Variants in EHF observed in about 807,000 individuals in gnomAD.
The protein encoded by EHF is ESE3 transcription factor.
EHF carries 14 observed loss-of-function variants against 45.1 expected under a neutral mutation model. The ratio of observed to expected loss-of-function variants is 0.31; its 90% CI spans 0.21 to 0.49. The LOEUF is 0.49. Among genes scored for constraint, EHF ranks in the 20% least tolerant of loss-of-function variants. EHF has a pLI of 0.99. For synonymous variants in EHF, 136 were observed against 131.8 expected, an observed-to-expected ratio of 1.03 and a Z score of -0.22; for missense variants, 282 against 371.4, an observed-to-expected ratio of 0.76 and a Z score of 1.98.
intron 7 of EHF, among the ~76,000 whole-genome samples, chr11:34,657,872 A>T (rs1356413231): frequency 6.7e-6 from 1 of 148,596 alleles, no homozygotes; most frequent in East Asian, 2.1e-4. Context: ...CCACAAAACC[A>T]TATTAATGCA....
At chr11:34,640,010 A>G (rs1310523603) in intron 1 of EHF, among the ~76,000 whole-genome samples, 2 of 149,256 alleles carry the variant, frequency 1.3e-5, no homozygotes, top group Admixed American at 1.3e-4. Context: ...GTTCTGCAAC[A>G]TTTATTAAAT....
intron 1 of EHF, among the ~76,000 whole-genome samples, chr11:34,623,770 G>C (rs1852147605): frequency 6.6e-6 from 1 of 152,084 alleles, no homozygotes; most frequent in Admixed American, 6.5e-5. Context: ...TCTTTCCCAT[G>C]CCCCCGACCC....
Position 34,649,027 on chromosome 11 carries a change from A to G in EHF, c.352A>G (p.Ser118Gly), listed in dbSNP as rs779296141. 6.2e-6 allele frequency: 10 copies of G among 1,613,894 alleles called. No homozygotes were observed. In the East Asian group the frequency reaches 1.8e-4, roughly 29 times the overall value. Residue 118 changes from serine (S) to glycine (G), a missense_variant, in exon 4 of 9, where the codon AGT (serine) becomes GGT (glycine). Coordinates refer to ENST00000257831, the MANE Select transcript of EHF (RefSeq NM_012153.6). The part of the protein sequence containing the change: ...LQHLKWNGQC[S>G]SDLFQSTHNV... ...CAATCTGTCCTTCACAGGCCAGTGC[A>G]GTAGTGACCTGTTCCAGTCCACACA...
intron 1 of EHF, among the ~76,000 whole-genome samples, chr11:34,631,346 A>G (rs1852871432): frequency 6.6e-6 from 1 of 152,218 alleles, no homozygotes; most frequent in Admixed American, 6.5e-5. Context: ...AGAGATATTC[A>G]AAAGCTCCCT....
At chr11:34,637,587 T>C (rs1853568295) in intron 1 of EHF, among the ~76,000 whole-genome samples, 1 of 152,212 alleles carries the variant, frequency 6.6e-6, no homozygotes, top group Non-Finnish European at 1.5e-5. Flanking sequence ...TGGCACATTG[T>C]AGGGGACTTG....
At chr11:34,658,792 T>C in intron 8 of EHF, 40 bp from the exon 9 acceptor site, 1 of 1,607,356 alleles carries the variant, frequency 6.2e-7, no homozygotes, top group South Asian at 1.1e-5. Context: ...CTAGCAACCT[T>C]CATCGGATCA....
chr11:34,624,339 G>C (rs962333411), intron 1 of EHF: 1 of 985,196 alleles, frequency 1.0e-6, no homozygotes, highest in African/African-American at 1.7e-5. Flanking sequence ...CTGCGGCGGG[G>C]ATTGCCATCT....
intron 2 of EHF, among the ~76,000 whole-genome samples, chr11:34,646,030 GTGTGTGT>G (rs1403482224): frequency 1.4e-4 from 4 of 28,898 alleles, no homozygotes; most frequent in African/African-American, 9.2e-4. Context: ...GTTTGGTGGT[GTGTGTGT>G]GTGTGTGTGT....
chr11:34,660,915 T>G lies in EHF; in HGVS notation c.*1984T>G, dbSNP rs530635055. The G allele has an allele frequency of 2.0e-5, 3 of 152,160 alleles. No homozygotes were observed. Among genetic ancestry groups the G allele is most frequent in the African/African-American group, 7.2e-5 (3 of 41,452 alleles). The allele number at this position is 152,160 out of a possible 1,614,324, so 9.4% of individuals were successfully genotyped here. A position where few individuals can be genotyped will look rare whatever the true frequency, so the allele number is the denominator to read the frequency against. Reference sequence around the variant, plus strand: ...TTTGTCCTAATTACAATGAGAACCATTCTAGGTAGTGATCTTGGAGCACAC... The same window carrying G: ...TTTGTCCTAATTACAATGAGAACCAGTCTAGGTAGTGATCTTGGAGCACAC... On this transcript the variant is annotated 3_prime_UTR_variant, in exon 9 of 9. Transcript: ENST00000257831.
intron 4 of EHF, among the ~76,000 whole-genome samples, chr11:34,649,497 A>C (rs943671443): frequency 3.3e-5 from 5 of 152,096 alleles, no homozygotes; most frequent in African/African-American, 9.7e-5. Context: ...GTTTCACAAA[A>C]AGGGTGAATA....
chr11:34,647,121 C>G (rs1326765644), intron 3 of EHF, among the ~76,000 whole-genome samples: 1 of 149,548 alleles, frequency 6.7e-6, no homozygotes, highest in Non-Finnish European at 1.5e-5. Flanking sequence ...CCTTCTAGAC[C>G]TAGGTTCTTA....
chr11:34,648,382 C>T (rs1048246127), intron 3 of EHF, among the ~76,000 whole-genome samples: 2 of 151,106 alleles, frequency 1.3e-5, no homozygotes, highest in Non-Finnish European at 2.9e-5. Context: ...CATATATATG[C>T]TTTTATATAT....
chr11:34,633,450 CGA>C (rs2134024165), intron 1 of EHF, among the ~76,000 whole-genome samples: 1 of 152,126 alleles, frequency 6.6e-6, no homozygotes, highest in East Asian at 1.9e-4. Context: ...ATCTCAATGG[CGA>C]GAGTGTTCAA....
chr11:34,640,307 A>G (rs568003252), intron 1 of EHF, among the ~76,000 whole-genome samples: 2 of 152,322 alleles, frequency 1.3e-5, no homozygotes, highest in Non-Finnish European at 2.9e-5. Flanking sequence ...AGGTGCTGCC[A>G]CTGAAATGAC....
chr11:34,624,745 A>C (rs142284949), intron 1 of EHF, among the ~76,000 whole-genome samples: 1 of 152,134 alleles, frequency 6.6e-6, no homozygotes, highest in Non-Finnish European at 1.5e-5. Flanking sequence ...AATGTTTATT[A>C]TTCTTCAGAG....
rs1856005762 is a variant in EHF at position 34,660,328 on chromosome 11, CA to C, written c.*1398del. The C allele has an allele frequency of 6.6e-6, 1 of 152,058 alleles. No individual in the cohort carries two copies. Among genetic ancestry groups the C allele is most frequent in the African/African-American group, 2.4e-5 (1 of 41,422 alleles). 9.4% of individuals were successfully genotyped at this position (152,058 alleles called of 1,614,324 possible). ...GAATTTCCAGGGAAAATCCTCTTTG[CA>C]GGTATTAATTCTTATAATTTTTTGT... On this transcript the variant is annotated 3_prime_UTR_variant, in exon 9 of 9. Transcript: ENST00000257831.
chr11:34,643,388 A>G (rs1280594509), intron 2 of EHF, among the ~76,000 whole-genome samples: 2 of 152,178 alleles, frequency 1.3e-5, no homozygotes, highest in African/African-American at 2.4e-5. Flanking sequence ...CCATACCCCA[A>G]TTTAGAGCTC....
At chr11:34,654,716 C>A (rs1470718378) in intron 6 of EHF, among the ~76,000 whole-genome samples, 1 of 152,066 alleles carries the variant, frequency 6.6e-6, no homozygotes, top group East Asian at 1.9e-4. Flanking sequence ...TTCATGTGTA[C>A]ATATATGTGC....
intron 4 of EHF, among the ~76,000 whole-genome samples, chr11:34,651,304 C>G (rs1378177343): frequency 1.3e-5 from 2 of 152,150 alleles, no homozygotes. Context: ...TCTCTCACTT[C>G]CCTAAAAATG....
Sources: allele counts gnomAD v4.1 joint callset (sites outside exome capture counted in the v4.1 genomes callset), GRCh38; gene constraint gnomAD v4.1.1; transcripts MANE v1.5; gene names NCBI Gene and HGNC (gene_info 2026-07-23, HGNC 2026-07-21).